Variants in MARCHF4 observed in about 807,000 individuals in gnomAD.
The protein encoded by MARCHF4 is membrane associated ring-CH-type finger 4.
A neutral mutation model predicts 43.9 loss-of-function variants in MARCHF4; 14 were observed. That is an observed-to-expected ratio of 0.32 (90% CI 0.21 to 0.50). The LOEUF (loss-of-function observed/expected upper bound fraction) is 0.50. Ranked by LOEUF, MARCHF4 falls within the 20% of genes least tolerant of loss-of-function variation. The probability of loss-of-function intolerance (pLI) is 0.98; values close to 1 mark genes in which losing one functional copy is unlikely to be tolerated. For missense variants in MARCHF4, 468 were observed against 536.7 expected, an observed-to-expected ratio of 0.87 and a Z score of 1.27; for synonymous variants, 226 against 213.3, an observed-to-expected ratio of 1.06 and a Z score of -0.52.
chr2:216,349,692 A>C (rs1692369429), intron 1 of MARCHF4, among the ~76,000 whole-genome samples: 1 of 152,198 alleles, frequency 6.6e-6, no homozygotes, highest in Non-Finnish European at 1.5e-5. Context: ...AATGAAAGGC[A>C]GAGAGCTATG....
chr2:216,290,146 T>C (rs1164621932), intron 1 of MARCHF4, among the ~76,000 whole-genome samples: 1 of 152,120 alleles, frequency 6.6e-6, no homozygotes, highest in South Asian at 2.1e-4. Flanking sequence ...TTATGTGCTA[T>C]GGAGAAAAAT....
chr2:216,292,485 T>C (rs1252392624), intron 1 of MARCHF4, among the ~76,000 whole-genome samples: 1 of 152,130 alleles, frequency 6.6e-6, no homozygotes, highest in Non-Finnish European at 1.5e-5. Context: ...TCACTGGATT[T>C]GTGGAGAAGA....
At chr2:216,268,863 C>T (rs897126081) in intron 3 of MARCHF4, among the ~76,000 whole-genome samples, 10 of 152,212 alleles carry the variant, frequency 6.6e-5, no homozygotes, top group African/African-American at 1.4e-4. Context: ...TTGTAGTTAA[C>T]GTGGGTTAAA....
intron 1 of MARCHF4, among the ~76,000 whole-genome samples, chr2:216,299,069 T>A (rs1691441694): frequency 1.3e-5 from 2 of 152,196 alleles, no homozygotes; most frequent in Admixed American, 1.3e-4. Context: ...ACCACCACTG[T>A]GATCCTGAAA....
In MARCHF4 at chr2:216,370,181, G is replaced by A. The variant is rs1021038546; in HGVS notation, c.80C>T (p.Pro27Leu). Residue 27 changes from proline (P) to leucine (L), a missense_variant, in exon 1 of 4, where the codon CCA (proline) becomes CTA (leucine). By Grantham distance (98) the Pro-to-Leu change is moderately conservative. Around this residue, in one of 3 missense-constraint regions of MARCHF4, gnomAD observed 190 missense variants for 158.5 expected, o/e 1.20. Transcript: ENST00000273067. The part of the protein sequence containing the change: ...SGWYCYGLCA[P>L]APQMLRHQGL... ...CTGGTGGCGCAACATCTGGGGGGCT[G>A]GGGCACACAATCCATAGCAGTACCA... The A allele has an allele frequency of 5.0e-6, 8 of 1,612,456 alleles. No individual in the cohort carries two copies. In the Admixed American group the frequency reaches 5.0e-5, roughly 10 times the overall value.
intron 1 of MARCHF4, among the ~76,000 whole-genome samples, chr2:216,298,285 T>TA (rs1574467754): frequency 2.2e-5 from 2 of 92,800 alleles, no homozygotes; most frequent in East Asian, 7.1e-4. Flanking sequence ...TTTTTTTTTT[T>TA]ACAGGGTCTG....
At position 216,283,625 on chromosome 2, in the gene MARCHF4, C is replaced by G. The variant is rs780955513; in HGVS notation, c.621G>C (p.Leu207=). Residue 207 remains leucine (L), a synonymous_variant, in exon 2 of 4, where the codon CTG becomes CTC. Transcript: ENST00000273067. ...ISERGCWSCE[L]CYYKYHVIAI... ...CGATGACGTGGTACTTGTAGTAGCACAGCTCGCAGCTCCAGCAGCCCCGCT... is the reference window on the plus strand; with the variant it reads ...CGATGACGTGGTACTTGTAGTAGCAGAGCTCGCAGCTCCAGCAGCCCCGCT... 3.7e-6 allele frequency: 6 copies of G among 1,613,448 alleles called. No homozygotes were observed. Among genetic ancestry groups the G allele is most frequent in the African/African-American group, 2.7e-5 (2 of 74,930 alleles).
At chr2:216,285,941 G>C (rs1016067331) in intron 1 of MARCHF4, among the ~76,000 whole-genome samples, 1 of 152,176 alleles carries the variant, frequency 6.6e-6, no homozygotes, top group Non-Finnish European at 1.5e-5. Flanking sequence ...AAGTCTCCAC[G>C]CCTTGCTTCC....
chr2:216,282,909 T>C lies in MARCHF4; in HGVS notation c.672+665A>G, dbSNP rs1166372867. Among the ~76,000 whole-genome samples, 2 of 152,216 alleles carry C rather than the reference T, an allele frequency of 1.3e-5. 1 individual carries two copies. The highest frequency in any genetic ancestry group is 4.8e-5 in the African/African-American group (2 of 41,454). ...CTCCCTCTCCTGTTTCTTCTGTTTT[T>C]CCCTCTGTCCCTTGCCATTGGAAGT... On this transcript the variant is annotated intron_variant, in intron 2 of 3. Coordinates refer to ENST00000273067, the MANE Select transcript of MARCHF4 (RefSeq NM_020814.3).
chr2:216,288,309 G>C (rs756944514), intron 1 of MARCHF4, among the ~76,000 whole-genome samples: 19 of 152,206 alleles, frequency 1.2e-4, no homozygotes, highest in Non-Finnish European at 2.6e-4. Flanking sequence ...TTGACACAGT[G>C]CATGGCACAA....
intron 1 of MARCHF4, among the ~76,000 whole-genome samples, chr2:216,303,047 C>G (rs1245754759): frequency 6.6e-6 from 1 of 152,008 alleles, no homozygotes; most frequent in Non-Finnish European, 1.5e-5. Flanking sequence ...TCCATTCATA[C>G]TTCCTGTCTC....
rs536939691 is a variant in MARCHF4 at position 216,314,323 on chromosome 2, C to A, written c.517-30594G>T. On this transcript the variant is annotated intron_variant, in intron 1 of 3. Transcript: ENST00000273067. ...TTAAATAAGTAGACAAATGATGTAA[C>A]TACTTTTTTTTTTTTTTTTTGAGAC... Among the ~76,000 whole-genome samples, 51 of 147,186 alleles carry A rather than the reference C, an allele frequency of 3.5e-4. 1 individual carries two copies. The South Asian group carries it at 0.011, about 32-fold the overall frequency.
intron 1 of MARCHF4, among the ~76,000 whole-genome samples, chr2:216,316,941 G>T (rs1289446192): frequency 6.6e-6 from 1 of 152,120 alleles, no homozygotes; most frequent in Non-Finnish European, 1.5e-5. Context: ...GAGTGGCTAC[G>T]GACGTCTGAG....
At chr2:216,347,766 T>G (rs997647501) in intron 1 of MARCHF4, among the ~76,000 whole-genome samples, 1 of 150,444 alleles carries the variant, frequency 6.6e-6, no homozygotes, top group African/African-American at 2.4e-5. Context: ...AAAAATGCCC[T>G]TGATGGAGAT....
intron 1 of MARCHF4, among the ~76,000 whole-genome samples, chr2:216,300,218 T>C (rs1352349662): frequency 6.6e-6 from 1 of 152,064 alleles, no homozygotes; most frequent in Non-Finnish European, 1.5e-5. Context: ...ATAATGTATG[T>C]AAAATGTCTG....
intron 2 of MARCHF4, among the ~76,000 whole-genome samples, chr2:216,278,500 C>G (rs1333772773): frequency 6.6e-6 from 1 of 152,220 alleles, no homozygotes; most frequent in Non-Finnish European, 1.5e-5. Flanking sequence ...GCTGGGATTA[C>G]AGGTGTGAGC....
intron 1 of MARCHF4, among the ~76,000 whole-genome samples, chr2:216,324,375 C>A (rs1441362819): frequency 6.7e-6 from 1 of 148,444 alleles, no homozygotes; most frequent in Admixed American, 6.7e-5. Flanking sequence ...CAGCCGAATT[C>A]TACCAGAGGT....
At chr2:216,261,456 C>G (rs13431360) in intron 3 of MARCHF4, among the ~76,000 whole-genome samples, 1 of 152,154 alleles carries the variant, frequency 6.6e-6, no homozygotes, top group Non-Finnish European at 1.5e-5. Flanking sequence ...CTGAATAATC[C>G]AGGATACTGT....
chr2:216,302,918 A>G (rs1186864162), intron 1 of MARCHF4, among the ~76,000 whole-genome samples: 3 of 138,274 alleles, frequency 2.2e-5, no homozygotes, highest in Non-Finnish European at 4.9e-5. Context: ...AAAAAAAAAA[A>G]AAAAAGAAAA....
Sources: allele counts gnomAD v4.1 joint callset (sites outside exome capture counted in the v4.1 genomes callset), GRCh38; gene constraint gnomAD v4.1.1; regional missense constraint gnomAD v4.1.1; transcripts MANE v1.5; gene names NCBI Gene and HGNC (gene_info 2026-07-23, HGNC 2026-07-21).